Variants in TMEM132D observed in about 807,000 individuals in gnomAD.
TMEM132D encodes mature OL transmembrane protein.
TMEM132D carries 21 observed loss-of-function variants against 62.3 expected under a neutral mutation model. That is an observed-to-expected ratio of 0.34 (90% CI 0.24 to 0.49). TMEM132D has a LOEUF of 0.49. TMEM132D is among the 20% of genes least tolerant of loss of function. TMEM132D has a pLI of 0.99. For synonymous variants in TMEM132D, 621 were observed against 575.6 expected (o/e 1.08, Z -1.13); for missense variants, 1,346 against 1,402.8 (o/e 0.96, Z 0.65).
chr12:129,120,529 A>G (rs1169717090), intron 5 of TMEM132D, among the ~76,000 whole-genome samples: 1 of 152,194 alleles, frequency 6.6e-6, no homozygotes, highest in African/African-American at 2.4e-5. Context: ...GAAGGTTATG[A>G]AAAATTAGAA....
chr12:129,542,633 A>C (rs897551265), intron 2 of TMEM132D, among the ~76,000 whole-genome samples: 2 of 152,276 alleles, frequency 1.3e-5, no homozygotes, highest in East Asian at 3.9e-4. Context: ...ATGGATTTAA[A>C]ATATATGTAC....
At chr12:129,297,918 C>G (rs1881617392) in intron 4 of TMEM132D, among the ~76,000 whole-genome samples, 1 of 152,162 alleles carries the variant, frequency 6.6e-6, no homozygotes, top group East Asian at 1.9e-4. Flanking sequence ...AGAAAGATCA[C>G]TCTGGAGGCT....
chr12:129,109,316 G>C (rs1875605726), intron 5 of TMEM132D, among the ~76,000 whole-genome samples: 1 of 152,194 alleles, frequency 6.6e-6, no homozygotes. Flanking sequence ...CCTTGGACAA[G>C]TCACTTAACC....
chr12:129,687,771 T>G (rs1880967752), intron 2 of TMEM132D, among the ~76,000 whole-genome samples: 1 of 152,098 alleles, frequency 6.6e-6, no homozygotes. Flanking sequence ...TGGCTCTGCA[T>G]CTTCTTCCCA....
chr12:129,616,970 T>C (rs1485143697), intron 2 of TMEM132D, among the ~76,000 whole-genome samples: 2 of 152,220 alleles, frequency 1.3e-5, no homozygotes, highest in African/African-American at 4.8e-5. Context: ...GGGTTTTTGT[T>C]TCATTTTGTT....
intron 3 of TMEM132D, among the ~76,000 whole-genome samples, chr12:129,497,240 G>A (rs55879815): frequency 0.16 from 25,067 of 152,112 alleles, 2,218 homozygotes; most frequent in South Asian, 0.27. Flanking sequence ...CCTGGGAGGC[G>A]GAGGTTGTAG....
In TMEM132D at chr12:129,903,851, G is replaced by T. The variant is rs891914432; in HGVS notation, c.-512C>A. 6.8e-6 allele frequency among the ~76,000 whole-genome samples: 1 copy of T among 146,648 alleles called. No homozygotes were observed. The highest frequency in any genetic ancestry group is 1.5e-5 in the Non-Finnish European group (1 of 65,932). ...GGCCGGGCTCGCTGGGCGGCCCGGGGCTCCCTGGCCCGCAGCCCCCATCCC... is the reference window on the plus strand; with the variant it reads ...GGCCGGGCTCGCTGGGCGGCCCGGGTCTCCCTGGCCCGCAGCCCCCATCCC... On this transcript the variant is annotated 5_prime_UTR_variant, in exon 1 of 9. Coordinates refer to ENST00000422113, the MANE Select transcript of TMEM132D (RefSeq NM_133448.3). The surrounding 1 kb of genome is among the most constrained non-coding windows in gnomAD (Gnocchi z 6.2).
intron 1 of TMEM132D, among the ~76,000 whole-genome samples, chr12:129,781,140 T>C (rs1871107464): frequency 6.6e-6 from 1 of 152,172 alleles, no homozygotes; most frequent in African/African-American, 2.4e-5. Flanking sequence ...AGAGCAGAGT[T>C]TGGTTTTAAG....
intron 3 of TMEM132D, among the ~76,000 whole-genome samples, chr12:129,394,326 T>C (rs567180035): frequency 6.6e-6 from 1 of 152,288 alleles, no homozygotes; most frequent in Non-Finnish European, 1.5e-5. Context: ...ACCCTGAACA[T>C]GAAGGGAGCC....
chr12:129,375,552 G>A (rs888277756), intron 3 of TMEM132D, among the ~76,000 whole-genome samples: 6 of 152,182 alleles, frequency 3.9e-5, no homozygotes, highest in African/African-American at 1.4e-4. Context: ...CTGGGGTTGT[G>A]TTTTAGCTGT....
At chr12:129,075,871 T>G (rs967269050) in intron 8 of TMEM132D, among the ~76,000 whole-genome samples, 1 of 152,236 alleles carries the variant, frequency 6.6e-6, no homozygotes, top group Non-Finnish European at 1.5e-5. Flanking sequence ...CCTTTAATTT[T>G]AGTGAAGATG....
At chr12:129,152,412 C>G (rs1877101323) in intron 5 of TMEM132D, among the ~76,000 whole-genome samples, 1 of 152,206 alleles carries the variant, frequency 6.6e-6, no homozygotes, top group Non-Finnish European at 1.5e-5. Flanking sequence ...AAGACAGGAG[C>G]AGCTGGCTTG....
chr12:129,619,073 G>A (rs1878994770), intron 2 of TMEM132D, among the ~76,000 whole-genome samples: 1 of 152,182 alleles, frequency 6.6e-6, no homozygotes, highest in Admixed American at 6.5e-5. Flanking sequence ...CCAAATAGCA[G>A]GCTTTAGAGA....
chr12:129,780,593 C>A (rs945973543), intron 1 of TMEM132D, among the ~76,000 whole-genome samples: 1 of 152,080 alleles, frequency 6.6e-6, no homozygotes, highest in Admixed American at 6.5e-5. Flanking sequence ...CTTTGCTTTA[C>A]TTGCCTGGCT....
intron 2 of TMEM132D, among the ~76,000 whole-genome samples, chr12:129,645,050 G>C (rs1332340380): frequency 6.7e-6 from 1 of 149,608 alleles, no homozygotes. Flanking sequence ...TGCTTGGCCA[G>C]CAAAGATAAG....
At chr12:129,556,147 C>T (rs1481267757) in intron 2 of TMEM132D, among the ~76,000 whole-genome samples, 1 of 152,282 alleles carries the variant, frequency 6.6e-6, no homozygotes, top group African/African-American at 2.4e-5. Context: ...ATCAAGGTTG[C>T]TTAAGTCAGT....
chr12:129,123,720 C>A (rs1876129378), intron 5 of TMEM132D, among the ~76,000 whole-genome samples: 1 of 152,158 alleles, frequency 6.6e-6, no homozygotes, highest in African/African-American at 2.4e-5. Context: ...CCAGATTCAT[C>A]CTCCCCAGTG....
At chr12:129,605,636 C>CAT (rs1283372877) in intron 2 of TMEM132D, among the ~76,000 whole-genome samples, 1 of 127,556 alleles carries the variant, frequency 7.8e-6, no homozygotes, top group Non-Finnish European at 1.7e-5. Context: ...CACACACACA[C>CAT]ACACACACAC....
chr12:129,442,425 C>A (rs1203477324), intron 3 of TMEM132D, among the ~76,000 whole-genome samples: 1 of 152,186 alleles, frequency 6.6e-6, no homozygotes, highest in Non-Finnish European at 1.5e-5. Context: ...AGACTCTACC[C>A]TTTCCAGATG....
Sources: allele counts gnomAD v4.1 joint callset (sites outside exome capture counted in the v4.1 genomes callset), GRCh38; gene constraint gnomAD v4.1.1; non-coding constraint Gnocchi (gnomAD v3.1); transcripts MANE v1.5; gene names NCBI Gene and HGNC (gene_info 2026-07-23, HGNC 2026-07-21).